LDLRAD3: variants seen among roughly 807,000 people sequenced by gnomAD.
LDLRAD3 encodes the protein low-density lipoprotein receptor class A domain-containing protein 3.
A neutral mutation model predicts 29.4 loss-of-function variants in LDLRAD3; 20 were observed. The ratio of observed to expected loss-of-function variants is 0.68; its 90% CI spans 0.48 to 0.99. The LOEUF is 0.99. Among genes scored for constraint, LDLRAD3 ranks in the 50% least tolerant of loss-of-function variants. The pLI, the probability that LDLRAD3 is intolerant of heterozygous loss-of-function variation, is 0.00. For synonymous variants in LDLRAD3, 157 were observed against 192.7 expected (o/e 0.81, Z 1.53); for missense variants, 420 against 454.3 (o/e 0.92, Z 0.69).
intron 1 of LDLRAD3, among the ~76,000 whole-genome samples, chr11:35,948,352 C>T (rs148263962): frequency 2.6e-4 from 39 of 152,042 alleles, no homozygotes; most frequent in Non-Finnish European, 4.0e-4. Context: ...TTAGGAAATG[C>T]TTGGACCATT....
chr11:36,209,871 C>T (rs1855260631), intron 4 of LDLRAD3, among the ~76,000 whole-genome samples: 1 of 152,104 alleles, frequency 6.6e-6, no homozygotes, highest in African/African-American at 2.4e-5. Context: ...TAGATATGTG[C>T]TAATATATGC....
In LDLRAD3 at chr11:36,230,603, A is replaced by C. The variant is rs764597748; in HGVS notation, c.*1206A>C. 6 of 152,682 alleles carry C rather than the reference A, an allele frequency of 3.9e-5. No individual in the cohort carries two copies. The highest frequency in any genetic ancestry group is 8.8e-5 in the Non-Finnish European group (6 of 68,054). 9.5% of individuals were successfully genotyped at this position (152,682 alleles called of 1,614,324 possible). On this transcript the variant is annotated 3_prime_UTR_variant, in exon 6 of 6. Coordinates refer to ENST00000315571, the MANE Select transcript of LDLRAD3 (RefSeq NM_174902.4). ...TTCTCCTCTGAGACACATGGGCAAG[A>C]GACAATTTGGAGTCAAGATTTTCCA...
chr11:36,073,902 T>A (rs1310109878), intron 2 of LDLRAD3, among the ~76,000 whole-genome samples: 3 of 152,274 alleles, frequency 2.0e-5, no homozygotes, highest in African/African-American at 4.8e-5. Context: ...GCAGAGCAGC[T>A]GTGCCATGGG....
At chr11:36,053,489 C>T (rs1852558638) in intron 2 of LDLRAD3, among the ~76,000 whole-genome samples, 1 of 152,186 alleles carries the variant, frequency 6.6e-6, no homozygotes, top group Non-Finnish European at 1.5e-5. Context: ...CAGCTTCACT[C>T]ATGACTGGCT....
intron 4 of LDLRAD3, among the ~76,000 whole-genome samples, chr11:36,195,432 C>T (rs16928506): frequency 0.088 from 13,366 of 152,252 alleles, 612 homozygotes; most frequent in East Asian, 0.19. Flanking sequence ...GGGTCCAGCT[C>T]ATCCCCTGTT....
At chr11:36,078,396 A>G (rs906193435) in intron 2 of LDLRAD3, among the ~76,000 whole-genome samples, 1 of 152,126 alleles carries the variant, frequency 6.6e-6, no homozygotes, top group African/African-American at 2.4e-5. Flanking sequence ...TCTCCCTCCC[A>G]TGTTTGTCTT....
chr11:36,220,604 G>T (rs1456580678), intron 4 of LDLRAD3, among the ~76,000 whole-genome samples: 4 of 152,144 alleles, frequency 2.6e-5, no homozygotes, highest in South Asian at 4.2e-4. Context: ...TTGATGCAAA[G>T]GACTATGTAA....
chr11:35,970,730 G>A (rs1024170328), intron 1 of LDLRAD3, among the ~76,000 whole-genome samples: 2 of 152,154 alleles, frequency 1.3e-5, no homozygotes, highest in African/African-American at 2.4e-5. Context: ...GCATAATGCC[G>A]CTGCCAAGTC....
intron 4 of LDLRAD3, among the ~76,000 whole-genome samples, chr11:36,108,915 G>A (rs767523868): frequency 6.6e-6 from 1 of 152,086 alleles, no homozygotes; most frequent in Admixed American, 6.5e-5. Flanking sequence ...GCAGTAGGGT[G>A]GGGTTAGTGG....
chr11:36,204,246 T>C (rs1377121076), intron 4 of LDLRAD3, among the ~76,000 whole-genome samples: 7 of 152,132 alleles, frequency 4.6e-5, no homozygotes, highest in Admixed American at 1.3e-4. Context: ...TTGTCATAAA[T>C]ATGGCATAGC....
At chr11:36,162,053 G>A (rs1042939819) in intron 4 of LDLRAD3, among the ~76,000 whole-genome samples, 2 of 152,146 alleles carry the variant, frequency 1.3e-5, no homozygotes, top group Non-Finnish European at 2.9e-5. Flanking sequence ...TTCCGTTAAC[G>A]GTTTTATACA....
chr11:36,227,049 C>CCG, intron 4 of LDLRAD3, 36 bp from the exon 5 acceptor site: 1 of 1,395,592 alleles, frequency 7.2e-7, no homozygotes, highest in Non-Finnish European at 9.9e-7. Context: ...AAACTGGTAA[C>CCG]CTTCTCTCTT....
At chr11:36,007,704 C>T (rs747164903) in intron 1 of LDLRAD3, among the ~76,000 whole-genome samples, 3 of 152,190 alleles carry the variant, frequency 2.0e-5, no homozygotes, top group Non-Finnish European at 4.4e-5. Context: ...ATAATCAGCT[C>T]TGGGGGAGAC....
chr11:36,195,164 C>T (rs916680551), intron 4 of LDLRAD3, among the ~76,000 whole-genome samples: 1 of 152,140 alleles, frequency 6.6e-6, no homozygotes, highest in Non-Finnish European at 1.5e-5. Flanking sequence ...AAATGTTAGC[C>T]ACGGCTGCTA....
At chr11:36,063,004 TAG>T (rs1852729976) in intron 2 of LDLRAD3, among the ~76,000 whole-genome samples, 1 of 152,194 alleles carries the variant, frequency 6.6e-6, no homozygotes, top group South Asian at 2.1e-4. Flanking sequence ...TTATGATGAA[TAG>T]AGAGTCTCTG....
intron 2 of LDLRAD3, among the ~76,000 whole-genome samples, chr11:36,060,960 G>T (rs552370043): frequency 9.2e-5 from 14 of 152,088 alleles, no homozygotes; most frequent in Non-Finnish European, 1.9e-4. Context: ...TGTGTCCCTG[G>T]ACAGGTTACC....
intron 4 of LDLRAD3, among the ~76,000 whole-genome samples, chr11:36,199,580 C>CACACACAT (rs1855087949): frequency 6.7e-6 from 1 of 150,374 alleles, no homozygotes; most frequent in Non-Finnish European, 1.5e-5. Flanking sequence ...CACACACACA[C>CACACACAT]ACACACACGC....
intron 4 of LDLRAD3, among the ~76,000 whole-genome samples, chr11:36,195,670 G>A (rs967726748): frequency 6.6e-6 from 1 of 152,174 alleles, no homozygotes; most frequent in Non-Finnish European, 1.5e-5. Flanking sequence ...ACTTGTGCCT[G>A]TGTATATTTG....
At position 36,171,553 on chromosome 11, in the gene LDLRAD3, GTGCTTTCCCCACTTTATGTTGTTGTT is replaced by G. The variant is rs1467699654; in HGVS notation, c.455-55499_455-55474del. Among the ~76,000 whole-genome samples the G allele has an allele frequency of 6.6e-4, 100 of 152,164 alleles. 1 individual carries two copies. Among genetic ancestry groups the G allele is most frequent in the African/African-American group, 2.1e-3 (88 of 41,538 alleles). ...CCCAACACCATTTGTTGAATAGAAT[GTGCTTTCCCCACTTTATGTTGTTGTT>G]TGCTTTCCCCACTTTATGTTGTTGT... is the stretch of plus-strand genomic sequence containing the variant. On this transcript the variant is annotated intron_variant, in intron 4 of 5. Transcript: ENST00000315571.
Sources: gnomAD v4.1 joint callset for allele counts (sites outside exome capture counted in the v4.1 genomes callset) on GRCh38, gnomAD v4.1.1 for gene constraint, MANE v1.5 for transcripts, NCBI Gene and HGNC (gene_info 2026-07-23, HGNC 2026-07-21) for gene names.